Variants in CADM2 observed in about 807,000 individuals in gnomAD.
CADM2 encodes the protein cell adhesion molecule 2, also known as immunoglobulin superfamily member 4D.
In CADM2, 12 loss-of-function variants were observed where a neutral mutation model predicts 49.8. The ratio of observed to expected loss-of-function variants is 0.24; its 90% CI spans 0.15 to 0.39. CADM2 has a LOEUF of 0.39. CADM2 is among the 10% of genes least tolerant of loss of function. CADM2 has a pLI of 1.00. For synonymous variants in CADM2, 214 were observed against 175.4 expected (o/e 1.22, Z -1.74); for missense variants, 378 against 492.3 (o/e 0.77, Z 2.20).
At chr3:86,054,887 AT>A (rs1737736642) in intron 8 of CADM2, among the ~76,000 whole-genome samples, 2 of 152,206 alleles carry the variant, frequency 1.3e-5, no homozygotes, top group South Asian at 4.1e-4. Flanking sequence ...TATTGAAGTC[AT>A]TTATTTTTTT....
chr3:85,580,240 A>G (rs944867786), intron 1 of CADM2, among the ~76,000 whole-genome samples: 2 of 152,156 alleles, frequency 1.3e-5, no homozygotes, highest in East Asian at 1.9e-4. Flanking sequence ...AGTTTATCCC[A>G]TTGCATATGC....
chr3:85,644,675 T>C (rs1161387183), intron 1 of CADM2, among the ~76,000 whole-genome samples: 2 of 152,148 alleles, frequency 1.3e-5, no homozygotes, highest in East Asian at 3.9e-4. Flanking sequence ...GTTTTGGTCA[T>C]TGATATCATG....
intron 1 of CADM2, among the ~76,000 whole-genome samples, chr3:85,476,757 C>T (rs2107618750): frequency 6.6e-6 from 1 of 151,984 alleles, no homozygotes; most frequent in African/African-American, 2.4e-5. Flanking sequence ...GGAGCAGAAT[C>T]TATTTTTAAT....
At chr3:85,563,413 G>GGGGGGC (rs1553742885) in intron 1 of CADM2, among the ~76,000 whole-genome samples, 2 of 146,964 alleles carry the variant, frequency 1.4e-5, no homozygotes, top group African/African-American at 2.5e-5. Context: ...TGTGTGTGTG[G>GGGGGGC]GGGGGTGGTA....
At chr3:85,785,493 C>A (rs1353145737) in intron 2 of CADM2, among the ~76,000 whole-genome samples, 1 of 151,898 alleles carries the variant, frequency 6.6e-6, no homozygotes, top group Non-Finnish European at 1.5e-5. Flanking sequence ...GTTGCGGTGC[C>A]CACTTTGCTA....
intron 1 of CADM2, among the ~76,000 whole-genome samples, chr3:85,648,506 G>A (rs990567990): frequency 7.9e-5 from 12 of 152,074 alleles, no homozygotes; most frequent in African/African-American, 2.9e-4. Flanking sequence ...TGTGGTAACT[G>A]AAATAATGGT....
At chr3:85,325,410 C>A (rs2044724026) in intron 1 of CADM2, among the ~76,000 whole-genome samples, 1 of 152,064 alleles carries the variant, frequency 6.6e-6, no homozygotes, top group Admixed American at 6.5e-5. Flanking sequence ...CAGTTAATTA[C>A]TTTTCTAAAG....
At chr3:84,983,244 T>C (rs1030980495) in intron 1 of CADM2, among the ~76,000 whole-genome samples, 9 of 152,140 alleles carry the variant, frequency 5.9e-5, no homozygotes, top group African/African-American at 1.9e-4. Flanking sequence ...ATCTGTTTCT[T>C]ATTTTTGCAT....
chr3:85,847,900 C>T (rs1384090988), intron 3 of CADM2, among the ~76,000 whole-genome samples: 1 of 152,036 alleles, frequency 6.6e-6, no homozygotes, highest in African/African-American at 2.4e-5. Context: ...CAGTTCTAGC[C>T]ACCTATTTTT....
chr3:84,969,967 C>G (rs980198755), intron 1 of CADM2, among the ~76,000 whole-genome samples: 1 of 150,692 alleles, frequency 6.6e-6, no homozygotes, highest in Non-Finnish European at 1.5e-5. Context: ...GAGTAGCTGG[C>G]ATTTCCGGAT....
intron 1 of CADM2, among the ~76,000 whole-genome samples, chr3:85,202,538 C>T (rs4635720): frequency 0.41 from 62,519 of 151,866 alleles, 14,735 homozygotes; most frequent in Admixed American, 0.56. Flanking sequence ...CAGTAAATCA[C>T]GCTGTAAACA....
chr3:85,684,744 A>G (rs1406516796), intron 1 of CADM2, among the ~76,000 whole-genome samples: 1 of 152,162 alleles, frequency 6.6e-6, no homozygotes, highest in African/African-American at 2.4e-5. Flanking sequence ...TAAAATCATC[A>G]GCTCTCATGA....
intron 1 of CADM2, among the ~76,000 whole-genome samples, chr3:85,488,183 C>G (rs1044645832): frequency 8.5e-5 from 13 of 152,178 alleles, no homozygotes; most frequent in Admixed American, 4.6e-4. Flanking sequence ...AAAGGTCTTA[C>G]TAAGCCTGTG....
intron 1 of CADM2, among the ~76,000 whole-genome samples, chr3:85,370,068 C>T (rs1387201263): frequency 6.6e-6 from 1 of 151,818 alleles, no homozygotes; most frequent in Admixed American, 6.6e-5. Context: ...CAAAAATTAG[C>T]TGAGAATAGT....
At position 85,205,276 on chromosome 3, in the gene CADM2, G is replaced by A. The variant is rs9842904; in HGVS notation, c.61+245608G>A. 3.9e-3 allele frequency among the ~76,000 whole-genome samples: 593 copies of A among 152,186 alleles called. 3 individuals carry two copies. Among genetic ancestry groups the A allele is most frequent in the African/African-American group, 0.013 (531 of 41,532 alleles). ...GAGCTCAAGCCATTCCACCACTTCAGCCTCCCAAAGTGCTGGGATTCCAGG... is the reference window on the plus strand; with the variant it reads ...GAGCTCAAGCCATTCCACCACTTCAACCTCCCAAAGTGCTGGGATTCCAGG... On this transcript the variant is annotated intron_variant, in intron 1 of 9. Coordinates refer to ENST00000383699, the MANE Select transcript of CADM2 (RefSeq NM_001167675.2).
intron 1 of CADM2, among the ~76,000 whole-genome samples, chr3:85,423,286 G>A (rs1323136500): frequency 6.6e-6 from 1 of 152,038 alleles, no homozygotes; most frequent in African/African-American, 2.4e-5. Flanking sequence ...CACATTATGG[G>A]CAGGGGAGGG....
At chr3:86,035,917 T>C (rs1167760199) in intron 8 of CADM2, among the ~76,000 whole-genome samples, 1 of 152,138 alleles carries the variant, frequency 6.6e-6, no homozygotes, top group Non-Finnish European at 1.5e-5. Context: ...GGTCATCTTC[T>C]GGCTTGCAGA....
chr3:85,463,130 A>G (rs1169764954), intron 1 of CADM2, among the ~76,000 whole-genome samples: 3 of 152,142 alleles, frequency 2.0e-5, no homozygotes, highest in Admixed American at 1.3e-4. Context: ...ATTTTCAAAT[A>G]CTGATTTATT....
chr3:85,048,667 G>A (rs993355202), intron 1 of CADM2, among the ~76,000 whole-genome samples: 4 of 152,092 alleles, frequency 2.6e-5, no homozygotes, highest in Non-Finnish European at 4.4e-5. Flanking sequence ...AGAACGTGGC[G>A]ATCATTTACA....
Sources: gnomAD v4.1 joint callset for allele counts (sites outside exome capture counted in the v4.1 genomes callset) on GRCh38, gnomAD v4.1.1 for gene constraint, MANE v1.5 for transcripts, NCBI Gene and HGNC (gene_info 2026-07-23, HGNC 2026-07-21) for gene names.